MFHAS1: variants seen among roughly 807,000 people sequenced by gnomAD.
The protein encoded by MFHAS1 is multifunctional ROCO family signaling regulator 1, also known as malignant fibrous histiocytoma-amplified sequence 1.
In MFHAS1, 50 loss-of-function variants were observed where a neutral mutation model predicts 70.4. The ratio of observed to expected loss-of-function variants is 0.71; its 90% CI spans 0.57 to 0.90. The LOEUF is 0.90. Among genes scored for constraint, MFHAS1 ranks in the 40% least tolerant of loss-of-function variants. The probability of loss-of-function intolerance (pLI) is 0.00; values close to 1 mark genes in which losing one functional copy is unlikely to be tolerated. For synonymous variants in MFHAS1, 952 were observed against 620.0 expected (o/e 1.54, Z -7.96); for missense variants, 1,795 against 1,347.6 (o/e 1.33, Z -5.20).
intron 1 of MFHAS1, among the ~76,000 whole-genome samples, chr8:8,846,270 GGGA>G (rs745751263): frequency 4.4e-4 from 42 of 95,784 alleles, no homozygotes; most frequent in East Asian, 3.2e-3. Context: ...AAGGGGGGGG[GGGA>G]AGGAGGAGGA....
At chr8:8,861,129 G>A (rs1692815054) in intron 1 of MFHAS1, among the ~76,000 whole-genome samples, 1 of 152,156 alleles carries the variant, frequency 6.6e-6, no homozygotes, top group South Asian at 2.1e-4. Flanking sequence ...TAGAATGCCT[G>A]AAAAGTGGTA....
intron 1 of MFHAS1, among the ~76,000 whole-genome samples, chr8:8,886,217 G>A (rs946020374): frequency 1.3e-5 from 2 of 151,814 alleles, no homozygotes; most frequent in South Asian, 2.1e-4. Flanking sequence ...CAGGGTCAGA[G>A]TGCAATGGCA....
chr8:8,808,709 A>G (rs1255520263), intron 1 of MFHAS1, among the ~76,000 whole-genome samples: 1 of 152,252 alleles, frequency 6.6e-6, no homozygotes, highest in Non-Finnish European at 1.5e-5. Context: ...TGCTTAGTTA[A>G]GATGAAAAAG....
intron 2 of MFHAS1, among the ~76,000 whole-genome samples, chr8:8,795,730 A>T (rs1384574991): frequency 6.6e-6 from 1 of 152,208 alleles, no homozygotes; most frequent in Non-Finnish European, 1.5e-5. Context: ...AAGGCAGGGA[A>T]GCTGCCATGT....
chr8:8,885,907 T>C (rs1809733754), intron 1 of MFHAS1, among the ~76,000 whole-genome samples: 1 of 152,186 alleles, frequency 6.6e-6, no homozygotes, highest in Non-Finnish European at 1.5e-5. Context: ...AGATGGGGTT[T>C]CACCAGGTTG....
At chr8:8,829,369 A>T (rs1783671569) in intron 1 of MFHAS1, among the ~76,000 whole-genome samples, 1 of 152,158 alleles carries the variant, frequency 6.6e-6, no homozygotes, top group East Asian at 1.9e-4. Flanking sequence ...ATTCATGGAC[A>T]TCTCTATTTC....
intron 1 of MFHAS1, among the ~76,000 whole-genome samples, chr8:8,797,792 C>A (rs1375683070): frequency 6.6e-6 from 1 of 152,146 alleles, no homozygotes; most frequent in Non-Finnish European, 1.5e-5. Context: ...AGACTGACTC[C>A]AGGGATCTTT....
At chr8:8,787,371 C>A (rs939406183) in intron 2 of MFHAS1, among the ~76,000 whole-genome samples, 4 of 152,112 alleles carry the variant, frequency 2.6e-5, no homozygotes, top group Admixed American at 1.3e-4. Flanking sequence ...TGAGCCACTG[C>A]GCCCGGCCTC....
chr8:8,887,042 G>A (rs944974651), intron 1 of MFHAS1, among the ~76,000 whole-genome samples: 3 of 152,062 alleles, frequency 2.0e-5, no homozygotes, highest in Admixed American at 6.6e-5. Flanking sequence ...CAGGAGAATC[G>A]CTTGAATCCA....
In MFHAS1 at chr8:8,893,019, G is replaced by A. The variant is rs946644380; in HGVS notation, c.40C>T (p.Leu14=). Residue 14 remains leucine, a synonymous_variant, in exon 1 of 3, where the codon CTG becomes TTG. Transcript: ENST00000276282. ...MDSGNLKTAR[L]WRDAALRARK... ...GCACGCAGGGCGGCGTCCCGCCACAGCCTCGCGGTCTTCAGGTTGCCACTG... is the reference window on the plus strand; with the variant it reads ...GCACGCAGGGCGGCGTCCCGCCACAACCTCGCGGTCTTCAGGTTGCCACTG... 2 of 1,538,104 alleles carry A rather than the reference G, an allele frequency of 1.3e-6. No individual in the cohort carries two copies. Among genetic ancestry groups the A allele is most frequent in the East Asian group, 5.1e-5 (2 of 39,158 alleles).
At chr8:8,811,690 C>G (rs1806554108) in intron 1 of MFHAS1, among the ~76,000 whole-genome samples, 2 of 152,238 alleles carry the variant, frequency 1.3e-5, no homozygotes, top group Admixed American at 6.5e-5. Flanking sequence ...TTTCCTTACT[C>G]ACTGTGGGAT....
Position 8,797,360 on chromosome 8 carries a change from C to G in MFHAS1, c.3125+5G>C. 6.2e-7 allele frequency: 1 copy of G among 1,613,224 alleles called. No individual in the cohort carries two copies. Among genetic ancestry groups the G allele is most frequent in the Non-Finnish European group, 8.5e-7 (1 of 1,179,370 alleles). The stretch of plus-strand genomic sequence containing the variant: ...CCCGGGGCCAGAGGGACTTTGAGAA[C>G]TCACTTGGAACAGGGGCTGATCACA... On this transcript the variant is annotated splice_donor_5th_base_variant and intron_variant, in intron 2 of 2. Transcript: ENST00000276282.
At chr8:8,865,810 A>G (rs1237705764) in intron 1 of MFHAS1, among the ~76,000 whole-genome samples, 3 of 152,238 alleles carry the variant, frequency 2.0e-5, no homozygotes, top group Non-Finnish European at 4.4e-5. Context: ...TTTAATTTTC[A>G]TAGTCCAAAA....
chr8:8,815,452 A>G (rs1295100793), intron 1 of MFHAS1, among the ~76,000 whole-genome samples: 1 of 152,202 alleles, frequency 6.6e-6, no homozygotes, highest in Non-Finnish European at 1.5e-5. Flanking sequence ...ACTGTCTTCC[A>G]CAATGGTTGA....
At position 8,862,236 on chromosome 8, in the gene MFHAS1, C is replaced by A. The variant is rs555573549; in HGVS notation, c.2998+27825G>T. On this transcript the variant is annotated intron_variant, in intron 1 of 2. Transcript: ENST00000276282. ...CATCTTAGCCACTCTAGGGAACATGCACTAGTATCTCCTAGTGGTTTAATT... is the reference window on the plus strand; with the variant it reads ...CATCTTAGCCACTCTAGGGAACATGAACTAGTATCTCCTAGTGGTTTAATT... Among the ~76,000 whole-genome samples, 5 of 152,260 alleles carry A rather than the reference C, an allele frequency of 3.3e-5. No individual in the cohort carries two copies. In the South Asian group the frequency reaches 1.0e-3, roughly 32 times the overall value.
chr8:8,864,036 G>T (rs1808765237), intron 1 of MFHAS1, among the ~76,000 whole-genome samples: 1 of 151,636 alleles, frequency 6.6e-6, no homozygotes, highest in African/African-American at 2.4e-5. Flanking sequence ...TTACCGGCAT[G>T]TAGTTACATT....
intron 1 of MFHAS1, among the ~76,000 whole-genome samples, chr8:8,888,100 C>T (rs1292815932): frequency 6.6e-6 from 1 of 152,146 alleles, no homozygotes; most frequent in Non-Finnish European, 1.5e-5. Flanking sequence ...CCATGAATAA[C>T]ACACAATGAC....
chr8:8,891,215 T>A lies in MFHAS1; in HGVS notation c.1844A>T (p.Asn615Ile), dbSNP rs1212588817. The A allele has an allele frequency of 5.6e-6, 9 of 1,612,670 alleles. No individual in the cohort carries two copies. Among genetic ancestry groups the A allele is most frequent in the Non-Finnish European group, 7.6e-6 (9 of 1,180,010 alleles). ...RRKAHFQYLL[N>I]HRLQILSPVL... Reference sequence around the variant, plus strand: ...GGGGGAGAGGATCTGCAGCCGGTGGTTGAGCAGGTATTGAAAATGGGCCTT... The same window carrying A: ...GGGGGAGAGGATCTGCAGCCGGTGGATGAGCAGGTATTGAAAATGGGCCTT... Residue 615 changes from asparagine (N) to isoleucine (I), a missense_variant, in exon 1 of 3, where the codon AAC (asparagine) becomes ATC (isoleucine). Transcript: ENST00000276282. The surrounding 1 kb of genome is among the most constrained non-coding windows in gnomAD (Gnocchi z 5.4).
At chr8:8,832,796 G>C (rs1807454493) in intron 1 of MFHAS1, among the ~76,000 whole-genome samples, 1 of 151,806 alleles carries the variant, frequency 6.6e-6, no homozygotes, top group African/African-American at 2.4e-5. Context: ...TACATGCTAA[G>C]TTTTCACTTT....
Sources: allele counts gnomAD v4.1 joint callset (sites outside exome capture counted in the v4.1 genomes callset), GRCh38; gene constraint gnomAD v4.1.1; non-coding constraint Gnocchi (gnomAD v3.1); transcripts MANE v1.5; gene names NCBI Gene and HGNC (gene_info 2026-07-23, HGNC 2026-07-21).